The following DNMT1 variants were observed in gnomAD, a reference collection of about 807,000 sequenced individuals.
The protein encoded by DNMT1 is DNA (cytosine-5)-methyltransferase 1.
DNMT1 carries 24 observed loss-of-function variants against 205.3 expected under a neutral mutation model. That is an observed-to-expected ratio of 0.12 (90% CI 0.08 to 0.16). The LOEUF (loss-of-function observed/expected upper bound fraction) is 0.16, where lower values mean the gene tolerates loss of function less well. Among genes scored for constraint, DNMT1 ranks in the 10% least tolerant of loss-of-function variants. The probability of loss-of-function intolerance (pLI) is 1.00; values close to 1 mark genes in which losing one functional copy is unlikely to be tolerated. For synonymous variants in DNMT1, 817 were observed against 839.8 expected (o/e 0.97, Z 0.47); for missense variants, 1,293 against 2,177.7 (o/e 0.59, Z 8.09).
At chr19:10,177,194 C>A (rs574301364) in intron 6 of DNMT1, 98 bp downstream of exon 6, 2 of 1,117,742 alleles carry the variant, frequency 1.8e-6, no homozygotes, top group Non-Finnish European at 2.7e-6. Context: ...AAAACCTATA[C>A]AACACGGAAG....
chr19:10,159,895 C>G lies in DNMT1; in HGVS notation c.1117G>C (p.Gly373Arg). The change falls in exon 16 of 41, where the codon GGG becomes CGG. Residue 373 changes from glycine (G) to arginine (R), a missense_variant. Transcript: ENST00000359526. This position sits in a 1 kb window ranked among gnomAD's most constrained non-coding sequence, Gnocchi z 5.0. ...AGGTCAGGGTCGTCCAGGTACTGCC[C>G]GCACTGAATGCACTTGGGAGGGTGG... ...KTHPPKCIQCGQYLDDPDLKY... is the reference protein window; with the variant it reads ...KTHPPKCIQCRQYLDDPDLKY... 1.2e-6 allele frequency: 2 copies of G among 1,614,158 alleles called. No individual in the cohort carries two copies. The highest frequency in any genetic ancestry group is 8.5e-7 in the Non-Finnish European group (1 of 1,180,028).
intron 38 of DNMT1, 122 bp from the exon 39 acceptor site, chr19:10,135,974 C>A: frequency 1.3e-6 from 2 of 1,482,036 alleles, no homozygotes; most frequent in South Asian, 1.2e-5. Context: ...GAGCTTGTCC[C>A]GTGGACGTGG....
chr19:10,153,923 C>T (rs894740002), intron 22 of DNMT1, among the ~76,000 whole-genome samples: 1 of 152,152 alleles, frequency 6.6e-6, no homozygotes, highest in African/African-American at 2.4e-5. Context: ...CAGAAAGGGA[C>T]GCCTCCTGAG....
Position 10,144,423 on chromosome 19 carries a change from A to T in DNMT1, c.2895-436T>A, listed in dbSNP as rs1201280048. 20 of 241,670 alleles carry T rather than the reference A, an allele frequency of 8.3e-5. No individual in the cohort carries two copies. In the South Asian group the frequency reaches 1.1e-3, roughly 13 times the overall value. 15.0% of individuals were successfully genotyped at this position (241,670 alleles called of 1,614,324 possible). A position where few individuals can be genotyped will look rare whatever the true frequency, so the allele number is the denominator to read the frequency against. On this transcript the variant is annotated intron_variant, in intron 28 of 40. Coordinates refer to ENST00000359526, the MANE Select transcript of DNMT1 (RefSeq NM_001130823.3). ...ACTCCATCTCACAGAAAAAAAAAAA[A>T]AAGATTTAGCTGCAGATTTAGTCTC...
rs1599355565 is a variant in DNMT1 at position 10,146,635 on chromosome 19, T to TTGCAGA, written c.2721-117_2721-112dup. On this transcript the variant is annotated intron_variant, in intron 27 of 40. Coordinates refer to ENST00000359526, the MANE Select transcript of DNMT1 (RefSeq NM_001130823.3). This position sits in a 1 kb window ranked among gnomAD's most constrained non-coding sequence, Gnocchi z 4.4. ...TCTGGTAACCAAGAGGAAAAAACAT[T>TTGCAGA]TGCAGATGCTAGAAGGAAGAGGTGG... 7.2e-6 allele frequency: 10 copies of TTGCAGA among 1,380,214 alleles called. No individual in the cohort carries two copies. In the East Asian group the frequency reaches 2.3e-4, roughly 32 times the overall value. 85.5% of individuals were successfully genotyped at this position (1,380,214 alleles called of 1,614,324 possible).
Position 10,188,761 on chromosome 19 carries a change from G to A in DNMT1, c.80+6059C>T, listed in dbSNP as rs1599409057. Among the ~76,000 whole-genome samples the A allele has an allele frequency of 3.3e-5, 5 of 152,240 alleles. No homozygotes were observed. The South Asian group carries it at 1.0e-3, about 32-fold the overall frequency. ...CAGAGAGCGGGCAACGTTGGAGGAC[G>A]GGTCAGAGAGAGATGCAACCCGCAA... On this transcript the variant is annotated intron_variant, in intron 1 of 40. Transcript: ENST00000359526.
In DNMT1 at chr19:10,175,128, C is replaced by CAT. The variant is rs74178238; in HGVS notation, c.648+410_648+411dup. On this transcript the variant is annotated intron_variant, in intron 7 of 40. Transcript: ENST00000359526. ...ACACACACACACACACACACACACA[C>CAT]ATATATATAACATGTATGTATGTAA... Among the ~76,000 whole-genome samples the CAT allele has an allele frequency of 7.0e-3, 706 of 100,644 alleles. 4 individuals are homozygous for CAT. The highest frequency in any genetic ancestry group is 0.013 in the Admixed American group (117 of 9,162). 66.0% of individuals were successfully genotyped at this position (100,644 alleles called of 152,430 possible). A position where few individuals can be genotyped will look rare whatever the true frequency, so the allele number is the denominator to read the frequency against.
At chr19:10,164,913 T>TAAAAAAAAAAAAAAAAAA (rs535161745) in intron 11 of DNMT1, among the ~76,000 whole-genome samples, 2 of 34,046 alleles carry the variant, frequency 5.9e-5, no homozygotes, top group Non-Finnish European at 4.8e-5. Context: ...GAGACTATCT[T>TAAAAAAAAAAAAAAAAAA]AAAAAAAAAA....
chr19:10,170,376 C>T lies in DNMT1; in HGVS notation c.769-2012G>A, dbSNP rs1599383967. 2.6e-5 allele frequency among the ~76,000 whole-genome samples: 4 copies of T among 151,780 alleles called. No homozygotes were observed. In the Middle Eastern group the frequency reaches 0.014, roughly 531 times the overall value. ...TACAGCGGCCGGATGCAGTGGCTCA[C>T]GCCTGTAATCCCAGCACTTTGGGAG... On this transcript the variant is annotated intron_variant, in intron 9 of 40. Coordinates refer to ENST00000359526, the MANE Select transcript of DNMT1 (RefSeq NM_001130823.3).
Position 10,133,472 on chromosome 19 carries a change from T to A in DNMT1, c.*195A>T. 1.6e-6 allele frequency: 1 copy of A among 630,610 alleles called. No homozygotes were observed. The highest frequency in any genetic ancestry group is 2.8e-6 in the Non-Finnish European group (1 of 359,504). The allele number at this position is 630,610 out of a possible 1,614,324, so 39.1% of individuals were successfully genotyped here. On this transcript the variant is annotated 3_prime_UTR_variant, in exon 41 of 41. Coordinates refer to ENST00000359526, the MANE Select transcript of DNMT1 (RefSeq NM_001130823.3). The surrounding 1 kb of genome is among the most constrained non-coding windows in gnomAD (Gnocchi z 4.1). ...AATAAAAAACTTTTAAAATCCAGAA[T>A]GCACAAAGTACTGCACAATTTGATC... is the stretch of plus-strand genomic sequence containing the variant.
At chr19:10,165,464 C>T (rs1361442437) in intron 11 of DNMT1, among the ~76,000 whole-genome samples, 3 of 152,182 alleles carry the variant, frequency 2.0e-5, no homozygotes, top group Non-Finnish European at 4.4e-5. Flanking sequence ...ATAATCTTGG[C>T]TCACTGCAAC....
At chr19:10,173,608 C>A (rs752530069) in intron 8 of DNMT1, among the ~76,000 whole-genome samples, 1 of 151,666 alleles carries the variant, frequency 6.6e-6, no homozygotes, top group Non-Finnish European at 1.5e-5. Flanking sequence ...CCTTCTGACT[C>A]AGCCTCCTGA....
chr19:10,150,521 C>G (rs1270627487), intron 24 of DNMT1, among the ~76,000 whole-genome samples: 1 of 152,248 alleles, frequency 6.6e-6, no homozygotes, highest in Admixed American at 6.5e-5. Flanking sequence ...GCACTCATGC[C>G]ATGCAGCAGT....
chr19:10,172,676 A>G (rs1433078229), intron 9 of DNMT1, among the ~76,000 whole-genome samples: 16 of 151,780 alleles, frequency 1.1e-4, no homozygotes, highest in Admixed American at 1.1e-3. Context: ...TTAGCCGAGT[A>G]TGGCGGCGGG....
At position 10,143,837 on chromosome 19, in the gene DNMT1, G is replaced by T. The variant is rs1264404452; in HGVS notation, c.3045C>A (p.Ile1015=). 1.2e-6 allele frequency: 2 copies of T among 1,614,172 alleles called. No individual in the cohort carries two copies. The highest frequency in any genetic ancestry group is 8.5e-7 in the Non-Finnish European group (1 of 1,180,036). Residue 1015 remains isoleucine, a synonymous_variant, in exon 29 of 41, where the codon ATC becomes ATA. Transcript: ENST00000359526. ...EPYRIGRIKE[I]FCPKKSNGRP... ...TGCCGTTGCTCTTCTTGGGACAGAA[G>T]ATCTCTTTGATCCGGCCAATTCGGT... is the stretch of plus-strand genomic sequence containing the variant.
Position 10,159,849 on chromosome 19 carries a change from G to T in DNMT1, c.1163C>A (p.Pro388Gln), listed in dbSNP as rs1161974493. Reference protein sequence around the residue: ...DPDLKYGQHPPDAVDEPQMLT... With the variant: ...DPDLKYGQHPQDAVDEPQMLT... ...GAAGAGAGCTGTACGTACCGCGTCT[G>T]GTGGGTGCTGCCCATATTTGAGGTC... Residue 388 changes from proline (P) to glutamine (Q), a missense_variant, in exon 16 of 41, where the codon CCA becomes CAA. Pro to Gln is a moderately conservative substitution (Grantham distance 76, BLOSUM62 -1). Transcript: ENST00000359526. This position sits in a 1 kb window ranked among gnomAD's most constrained non-coding sequence, Gnocchi z 5.0. 2.5e-6 allele frequency: 4 copies of T among 1,614,232 alleles called. No homozygotes were observed. The highest frequency in any genetic ancestry group is 3.3e-4 in the Middle Eastern group (2 of 6,062).
intron 27 of DNMT1, 54 bp downstream of exon 27, chr19:10,148,830 G>T: frequency 6.2e-7 from 1 of 1,613,422 alleles, no homozygotes; most frequent in South Asian, 1.1e-5. Context: ...CGGGAAAAGG[G>T]AGTGATGTGG....
At chr19:10,182,407 A>G (rs377143464) in intron 1 of DNMT1, among the ~76,000 whole-genome samples, 2 of 79,802 alleles carry the variant, frequency 2.5e-5, no homozygotes, top group South Asian at 8.6e-4. Context: ...ATATATATAC[A>G]TATATATGTG....
At position 10,159,159 on chromosome 19, in the gene DNMT1, T is replaced by C. The variant is rs187605558; in HGVS notation, c.1280+499A>G. ...CAGAATGGAGGGGTAATATGTGTAGTGTAAAAACCCAAAAACCAAACCAAA... is the reference window on the plus strand; with the variant it reads ...CAGAATGGAGGGGTAATATGTGTAGCGTAAAAACCCAAAAACCAAACCAAA... On this transcript the variant is annotated intron_variant, in intron 17 of 40. Coordinates refer to ENST00000359526, the MANE Select transcript of DNMT1 (RefSeq NM_001130823.3). The surrounding 1 kb of genome is among the most constrained non-coding windows in gnomAD (Gnocchi z 5.0). 3.9e-4 allele frequency among the ~76,000 whole-genome samples: 59 copies of C among 152,248 alleles called. No individual in the cohort carries two copies. Among genetic ancestry groups the C allele is most frequent in the Non-Finnish European group, 2.5e-4 (17 of 68,000 alleles).
Sources: allele counts gnomAD v4.1 joint callset (sites outside exome capture counted in the v4.1 genomes callset), GRCh38; gene constraint gnomAD v4.1.1; non-coding constraint Gnocchi (gnomAD v3.1); transcripts MANE v1.5; gene names NCBI Gene and HGNC (gene_info 2026-07-23, HGNC 2026-07-21).